MACROD2: variants seen among roughly 807,000 people sequenced by gnomAD.
MACROD2 encodes mono-ADP ribosylhydrolase 2.
Under a neutral mutation model 70.4 loss-of-function variants are expected in MACROD2, and 36 were observed. That is an observed-to-expected ratio of 0.51 (90% CI 0.39 to 0.68). The LOEUF (loss-of-function observed/expected upper bound fraction) is 0.68. Among genes scored for constraint, MACROD2 ranks in the 30% least tolerant of loss-of-function variants. The probability of loss-of-function intolerance (pLI) is 0.00; values close to 1 mark genes in which losing one functional copy is unlikely to be tolerated. For missense variants in MACROD2, 496 were observed against 538.4 expected (o/e 0.92, Z 0.78); for synonymous variants, 172 against 178.8 (o/e 0.96, Z 0.30).
intron 4 of MACROD2, among the ~76,000 whole-genome samples, chr20:14,586,691 CAA>C: frequency 6.6e-6 from 1 of 152,168 alleles, no homozygotes; most frequent in South Asian, 2.1e-4. Flanking sequence ...TCTTGCTTTA[CAA>C]AAGTTAGTGA....
At position 15,136,988 on chromosome 20, in the gene MACROD2, A is replaced by G. The variant is rs370497439; in HGVS notation, c.419-92952A>G. Among the ~76,000 whole-genome samples, 1,095 of 149,158 alleles carry G rather than the reference A, an allele frequency of 7.3e-3. 12 individuals carry two copies. Among genetic ancestry groups the G allele is most frequent in the African/African-American group, 0.026 (1,024 of 40,056 alleles). On this transcript the variant is annotated intron_variant, in intron 5 of 17. Transcript: ENST00000684519. Reference sequence around the variant, plus strand: ...CATCATCACTGGCCATCAGAGAAATACAAATCAAAACCACAATGAGATACC... The same window carrying G: ...CATCATCACTGGCCATCAGAGAAATGCAAATCAAAACCACAATGAGATACC...
intron 3 of MACROD2, among the ~76,000 whole-genome samples, chr20:14,302,550 G>A (rs1490374431): frequency 6.6e-6 from 1 of 152,098 alleles, no homozygotes; most frequent in Non-Finnish European, 1.5e-5. Flanking sequence ...CTTTACATGA[G>A]TGATTTTAAT....
intron 8 of MACROD2, among the ~76,000 whole-genome samples, chr20:15,646,782 T>C (rs460397): frequency 0.75 from 114,013 of 151,660 alleles, 43,476 homozygotes; most frequent in East Asian, 0.96. Context: ...GCCTTGCTTC[T>C]CCTTCGCCGT....
At chr20:15,690,102 T>C (rs898743165) in intron 8 of MACROD2, among the ~76,000 whole-genome samples, 2 of 152,178 alleles carry the variant, frequency 1.3e-5, no homozygotes, top group African/African-American at 4.8e-5. Flanking sequence ...TTATGAAACA[T>C]CTGTGTCTGC....
At chr20:16,048,011 T>A (rs186998518) in intron 17 of MACROD2, among the ~76,000 whole-genome samples, 1 of 152,316 alleles carries the variant, frequency 6.6e-6, no homozygotes, top group African/African-American at 2.4e-5. Context: ...ACTGTGAGTT[T>A]GAAACATAAT....
At chr20:14,944,087 C>T (rs2074411246) in intron 5 of MACROD2, among the ~76,000 whole-genome samples, 1 of 152,082 alleles carries the variant, frequency 6.6e-6, no homozygotes, top group South Asian at 2.1e-4. Flanking sequence ...TTATCATTCC[C>T]CAAAACACTT....
chr20:15,077,980 A>T (rs1470011547), intron 5 of MACROD2, among the ~76,000 whole-genome samples: 1 of 152,106 alleles, frequency 6.6e-6, no homozygotes, highest in Non-Finnish European at 1.5e-5. Flanking sequence ...AATGCGGGGA[A>T]AGGGCCACTG....
chr20:15,640,546 C>T (rs572763739), intron 8 of MACROD2, among the ~76,000 whole-genome samples: 1 of 152,350 alleles, frequency 6.6e-6, no homozygotes, highest in African/African-American at 2.4e-5. Flanking sequence ...TCTGCCGTTA[C>T]ACAAACTATG....
chr20:15,362,040 C>T (rs2078358111), intron 6 of MACROD2, among the ~76,000 whole-genome samples: 1 of 146,452 alleles, frequency 6.8e-6, no homozygotes, highest in East Asian at 2.0e-4. Context: ...GAGACGGAGT[C>T]TCGCTCTGTT....
chr20:15,179,795 C>T (rs2076487819), intron 5 of MACROD2, among the ~76,000 whole-genome samples: 1 of 152,206 alleles, frequency 6.6e-6, no homozygotes, highest in South Asian at 2.1e-4. Flanking sequence ...ACACCTAGGC[C>T]TTCTTGCATT....
intron 2 of MACROD2, among the ~76,000 whole-genome samples, chr20:14,067,411 G>GC: frequency 6.6e-6 from 1 of 152,212 alleles, no homozygotes; most frequent in South Asian, 2.1e-4. Context: ...ATGAGCCACT[G>GC]CACTCAGCAT....
At chr20:15,827,553 A>G (rs956014503) in intron 8 of MACROD2, among the ~76,000 whole-genome samples, 1 of 152,162 alleles carries the variant, frequency 6.6e-6, no homozygotes, top group African/African-American at 2.4e-5. Flanking sequence ...AAAAAATGCT[A>G]TGTTTACGTA....
intron 8 of MACROD2, among the ~76,000 whole-genome samples, chr20:15,733,355 C>A (rs1226867100): frequency 6.6e-6 from 1 of 151,994 alleles, no homozygotes; most frequent in East Asian, 1.9e-4. Context: ...TCATTGATTT[C>A]TACTCTAATT....
chr20:15,405,665 C>T (rs113087919), intron 6 of MACROD2, among the ~76,000 whole-genome samples: 18 of 152,304 alleles, frequency 1.2e-4, no homozygotes, highest in African/African-American at 3.1e-4. Flanking sequence ...CCTCCTGTCT[C>T]GTTAATTCCT....
intron 3 of MACROD2, among the ~76,000 whole-genome samples, chr20:14,409,573 A>G (rs2083727754): frequency 6.6e-6 from 1 of 152,088 alleles, no homozygotes. Context: ...GAGACAGATC[A>G]TAACCTCTAC....
intron 10 of MACROD2, among the ~76,000 whole-genome samples, chr20:15,898,549 T>TAA (rs10678216): frequency 0.71 from 66,873 of 94,168 alleles, 24,584 homozygotes; most frequent in East Asian, 0.82. Flanking sequence ...AGACTCAGTC[T>TAA]AAAAAAAAAA....
intron 3 of MACROD2, among the ~76,000 whole-genome samples, chr20:14,322,145 G>A (rs1256188309): frequency 3.7e-5 from 4 of 109,524 alleles, no homozygotes; most frequent in South Asian, 2.8e-4. Flanking sequence ...GCCCTTTAAG[G>A]TGGAGACTTG....
intron 8 of MACROD2, among the ~76,000 whole-genome samples, chr20:15,855,368 C>T (rs995936862): frequency 3.9e-5 from 6 of 152,246 alleles, no homozygotes; most frequent in African/African-American, 1.4e-4. Flanking sequence ...CTCCTTTATG[C>T]CTCGATGGGT....
At chr20:14,111,799 G>C (rs2054454482) in intron 3 of MACROD2, among the ~76,000 whole-genome samples, 1 of 151,918 alleles carries the variant, frequency 6.6e-6, no homozygotes, top group Non-Finnish European at 1.5e-5. Flanking sequence ...AGAACAGTTT[G>C]GTTCCTCAAA....
Sources: allele counts gnomAD v4.1 joint callset (sites outside exome capture counted in the v4.1 genomes callset), GRCh38; gene constraint gnomAD v4.1.1; transcripts MANE v1.5; gene names NCBI Gene and HGNC (gene_info 2026-07-23, HGNC 2026-07-21).